The following MYO1H variants were observed in gnomAD, a reference collection of about 807,000 sequenced individuals.
MYO1H encodes myosin IH.
MYO1H carries 118 observed loss-of-function variants against 149.3 expected under a neutral mutation model. The ratio of observed to expected loss-of-function variants is 0.79; its 90% CI spans 0.68 to 0.92. The LOEUF (loss-of-function observed/expected upper bound fraction) is 0.92. Ranked by LOEUF, MYO1H falls within the 40% of genes least tolerant of loss-of-function variation. The probability of loss-of-function intolerance (pLI) is 0.00; values close to 1 mark genes in which losing one functional copy is unlikely to be tolerated. For missense variants in MYO1H, 1,212 were observed against 1,280.7 expected (o/e 0.95, Z 0.82); for synonymous variants, 447 against 465.2 (o/e 0.96, Z 0.50).
chr12:109,366,499 A>G (rs1030713713), intron 1 of MYO1H, among the ~76,000 whole-genome samples: 7 of 152,186 alleles, frequency 4.6e-5, no homozygotes, highest in African/African-American at 1.7e-4. Context: ...TTGAGACCAT[A>G]TAGCTGTGGG....
At chr12:109,428,805 CT>C (rs56809636) in intron 19 of MYO1H, among the ~76,000 whole-genome samples, 61,247 of 151,876 alleles carry the variant, frequency 0.4, 12,473 homozygotes, top group Admixed American at 0.45. Context: ...CCTCACCCCC[CT>C]CCAAACATAT....
exon 10 of MYO1H, chr12:109,407,851 G>A (rs759866884): frequency 1.2e-6 from 2 of 1,613,952 alleles, no homozygotes; most frequent in Non-Finnish European, 8.5e-7. Context: ...AATGGCAAAG[G>A]CTGTTTATGG....
At chr12:109,377,369 G>A (rs1869106494) in intron 1 of MYO1H, among the ~76,000 whole-genome samples, 1 of 152,236 alleles carries the variant, frequency 6.6e-6, no homozygotes, top group African/African-American at 2.4e-5. Context: ...GAGGAAGCAA[G>A]AGAGAGGAGG....
chr12:109,366,976 A>T (rs1868878707), intron 1 of MYO1H, among the ~76,000 whole-genome samples: 1 of 152,232 alleles, frequency 6.6e-6, no homozygotes. Context: ...TCAACCAGCA[A>T]GCATAATGCA....
chr12:109,395,465 G>T (rs1869848917), intron 3 of MYO1H, among the ~76,000 whole-genome samples: 1 of 152,142 alleles, frequency 6.6e-6, no homozygotes, highest in African/African-American at 2.4e-5. Flanking sequence ...GCCAGGCGCG[G>T]TGGCTCACAC....
intron 15 of MYO1H, among the ~76,000 whole-genome samples, chr12:109,418,249 G>A (rs576749045): frequency 6.6e-6 from 1 of 151,640 alleles, no homozygotes; most frequent in African/African-American, 2.4e-5. Context: ...TTGTGATGGT[G>A]TCCTTTGAAG....
chr12:109,408,342 TA>T (rs5800858), intron 10 of MYO1H, among the ~76,000 whole-genome samples: 1 of 151,364 alleles, frequency 6.6e-6, no homozygotes, highest in Non-Finnish European at 1.5e-5. Context: ...CTGCTAATTT[TA>T]AAAAAAAATT....
Position 109,429,043 on chromosome 12 carries a change from C to G in MYO1H, c.1949+1457C>G, listed in dbSNP as rs530639847. ...GACCAACATGGTGAAATCCTGTCTGCTAAAAACACAAAAATCAGCCAGGCA... is the reference window on the plus strand; with the variant it reads ...GACCAACATGGTGAAATCCTGTCTGGTAAAAACACAAAAATCAGCCAGGCA... On this transcript the variant is annotated intron_variant, in intron 19 of 31. Coordinates refer to ENST00000310903, the Ensembl canonical transcript of MYO1H. Among the ~76,000 whole-genome samples the G allele has an allele frequency of 3.5e-3, 530 of 152,256 alleles. 2 individuals are homozygous for G. Among genetic ancestry groups the G allele is most frequent in the Non-Finnish European group, 6.1e-3 (414 of 68,024 alleles).
At chr12:109,327,739 C>CAAAAAAAAAAAAAAAAAAAAAA in the MYO1H span, among the ~76,000 whole-genome samples, 3 of 85,660 alleles carry the variant, frequency 3.5e-5, no homozygotes, top group East Asian at 3.7e-4. Flanking sequence ...AAAACTGTCT[C>CAAAAAAAAAAAAAAAAAAAAAA]AAAAAAAAAA....
chr12:109,415,548 G>C, exon 15 of MYO1H: 1 of 1,607,496 alleles, frequency 6.2e-7, no homozygotes, highest in Non-Finnish European at 8.5e-7. Context: ...TGGTCCAAAG[G>C]GCCGAAAGAG....
chr12:109,425,084 A>C (rs1871307510), intron 17 of MYO1H, among the ~76,000 whole-genome samples: 1 of 152,210 alleles, frequency 6.6e-6, no homozygotes, highest in Non-Finnish European at 1.5e-5. Context: ...AGACTGGGTA[A>C]CATAATGAGA....
upstream of MYO1H, among the ~76,000 whole-genome samples, chr12:109,346,269 A>G (rs994283487): frequency 6.6e-6 from 1 of 152,204 alleles, no homozygotes; most frequent in Admixed American, 6.5e-5. Flanking sequence ...GAGGATGTGC[A>G]TAGGTTATAT....
At chr12:109,442,818 T>A (rs1163539987) in intron 27 of MYO1H, among the ~76,000 whole-genome samples, 2 of 129,760 alleles carry the variant, frequency 1.5e-5, no homozygotes, top group African/African-American at 6.0e-5. Context: ...TTTTTTTTTT[T>A]GTTCCCTGGG....
intron 1 of MYO1H, among the ~76,000 whole-genome samples, chr12:109,377,151 G>A (rs755094618): frequency 2.6e-5 from 4 of 152,048 alleles, no homozygotes; most frequent in Non-Finnish European, 5.9e-5. Context: ...TTCCACTCAT[G>A]TTCCCTCCCA....
intron 1 of MYO1H, among the ~76,000 whole-genome samples, chr12:109,353,919 T>C (rs938076555): frequency 2.0e-5 from 3 of 152,118 alleles, no homozygotes; most frequent in Non-Finnish European, 4.4e-5. Context: ...AGCCCCCAAA[T>C]TGCTGGGATT....
chr12:109,434,443 G>A (rs564924249), intron 20 of MYO1H, among the ~76,000 whole-genome samples: 4 of 152,264 alleles, frequency 2.6e-5, no homozygotes, highest in African/African-American at 4.8e-5. Flanking sequence ...GCAGTGAGCC[G>A]AGATTGCACC....
chr12:109,405,656 T>C (rs144928274), intron 7 of MYO1H, among the ~76,000 whole-genome samples: 143 of 152,344 alleles, frequency 9.4e-4, no homozygotes, highest in African/African-American at 3.4e-3. Context: ...AATCCATTTA[T>C]GTATTTGTTG....
chr12:109,375,480 G>A (rs1172841297), intron 1 of MYO1H, among the ~76,000 whole-genome samples: 1 of 152,100 alleles, frequency 6.6e-6, no homozygotes, highest in Non-Finnish European at 1.5e-5. Flanking sequence ...TAAAATGCCT[G>A]TTTGCCACCA....
the MYO1H span, among the ~76,000 whole-genome samples, chr12:109,327,785 T>A: frequency 6.7e-6 from 1 of 149,862 alleles, no homozygotes; most frequent in African/African-American, 2.4e-5. Flanking sequence ...AAGTGCCTCT[T>A]CTGCCTGATG....
Sources: gnomAD v4.1 joint callset for allele counts (sites outside exome capture counted in the v4.1 genomes callset) on GRCh38, gnomAD v4.1.1 for gene constraint, MANE v1.5 for transcripts, NCBI Gene and HGNC (gene_info 2026-07-23, HGNC 2026-07-21) for gene names.